Variants in ZFHX3 observed in about 807,000 individuals in gnomAD.
ZFHX3 encodes zinc finger homeobox protein 3.
Under a neutral mutation model 279.1 loss-of-function variants are expected in ZFHX3, and 42 were observed. The ratio of observed to expected loss-of-function variants is 0.15; its 90% CI spans 0.12 to 0.19. ZFHX3 has a LOEUF of 0.19. Ranked by LOEUF, ZFHX3 falls within the 10% of genes least tolerant of loss-of-function variation. The pLI, the probability that ZFHX3 is intolerant of heterozygous loss-of-function variation, is 1.00. For synonymous variants in ZFHX3, 2,293 were observed against 1,957.8 expected, an observed-to-expected ratio of 1.17 and a Z score of -4.52; for missense variants, 4,981 against 4,754.0, an observed-to-expected ratio of 1.05 and a Z score of -1.40.
intron 3 of ZFHX3, among the ~76,000 whole-genome samples, chr16:73,368,253 C>T (rs1293258653): frequency 6.6e-6 from 1 of 152,198 alleles, no homozygotes; most frequent in Non-Finnish European, 1.5e-5. Context: ...TATGGAAGAG[C>T]TGCAAAACAA....
At chr16:73,403,044 G>A (rs886293756) in intron 3 of ZFHX3, among the ~76,000 whole-genome samples, 3 of 152,188 alleles carry the variant, frequency 2.0e-5, no homozygotes, top group Non-Finnish European at 4.4e-5. Flanking sequence ...GCACACACAC[G>A]TGTGTGCATG....
intron 1 of ZFHX3, among the ~76,000 whole-genome samples, chr16:73,778,820 G>C (rs1311120579): frequency 1.3e-5 from 2 of 152,194 alleles, no homozygotes; most frequent in African/African-American, 2.4e-5. Flanking sequence ...CAAAAACAAT[G>C]ACTAACAGTC....
At chr16:73,175,459 C>T (rs1967642376) in intron 5 of ZFHX3, among the ~76,000 whole-genome samples, 1 of 152,150 alleles carries the variant, frequency 6.6e-6, no homozygotes, top group African/African-American at 2.4e-5. Flanking sequence ...GCCATCTCCC[C>T]TTCACCTTTT....
chr16:72,819,553 C>T (rs535284453), intron 5 of ZFHX3, among the ~76,000 whole-genome samples: 2 of 152,270 alleles, frequency 1.3e-5, no homozygotes, highest in Non-Finnish European at 2.9e-5. Flanking sequence ...TGCTGATGGT[C>T]CAGGGACGAC....
At chr16:72,855,478 A>C (rs766819414) in intron 4 of ZFHX3, among the ~76,000 whole-genome samples, 4 of 152,232 alleles carry the variant, frequency 2.6e-5, no homozygotes, top group Non-Finnish European at 4.4e-5. Flanking sequence ...CAGGCAGATG[A>C]AGCCATTTTA....
intron 1 of ZFHX3, among the ~76,000 whole-genome samples, chr16:72,996,274 C>T (rs28391664): frequency 0.14 from 21,969 of 152,156 alleles, 1,826 homozygotes; most frequent in Admixed American, 0.24. Context: ...CAGAGCAAGA[C>T]TCCAACATAA....
At chr16:73,560,660 G>T (rs1472448084) in intron 2 of ZFHX3, among the ~76,000 whole-genome samples, 1 of 152,178 alleles carries the variant, frequency 6.6e-6, no homozygotes, top group Non-Finnish European at 1.5e-5. Context: ...TCAGCAGCAG[G>T]CTGTGAACTA....
chr16:73,096,156 T>C (rs1278343822), intron 7 of ZFHX3, among the ~76,000 whole-genome samples: 2 of 152,054 alleles, frequency 1.3e-5, no homozygotes, highest in Non-Finnish European at 1.5e-5. Context: ...ACCTGGAAAC[T>C]CTTTACTGCC....
At chr16:73,787,342 T>C (rs1959678410) in intron 1 of ZFHX3, among the ~76,000 whole-genome samples, 1 of 152,166 alleles carries the variant, frequency 6.6e-6, no homozygotes. Flanking sequence ...GTGATTAAAA[T>C]GCACTCAGGA....
At chr16:73,395,784 C>G (rs2143412951) in intron 3 of ZFHX3, among the ~76,000 whole-genome samples, 1 of 152,154 alleles carries the variant, frequency 6.6e-6, no homozygotes, top group East Asian at 1.9e-4. Context: ...AACAGGGGCC[C>G]TGATGTGTAA....
intron 5 of ZFHX3, among the ~76,000 whole-genome samples, chr16:73,152,131 G>T (rs975099798): frequency 6.6e-6 from 1 of 152,072 alleles, no homozygotes; most frequent in Non-Finnish European, 1.5e-5. Context: ...TGTCCCGAAC[G>T]ATGATGAATT....
chr16:73,579,360 C>T (rs895845476), intron 2 of ZFHX3, among the ~76,000 whole-genome samples: 2 of 152,210 alleles, frequency 1.3e-5, no homozygotes, highest in Non-Finnish European at 2.9e-5. Flanking sequence ...CCTCCTGAGG[C>T]TGTGTCATGG....
intron 1 of ZFHX3, among the ~76,000 whole-genome samples, chr16:73,718,673 T>C (rs1395793961): frequency 3.3e-5 from 5 of 151,648 alleles, no homozygotes; most frequent in Non-Finnish European, 7.4e-5. Context: ...TGGAGTGCAG[T>C]GGCACAATCT....
At chr16:73,281,652 G>A (rs1403119287) in intron 4 of ZFHX3, among the ~76,000 whole-genome samples, 2 of 152,114 alleles carry the variant, frequency 1.3e-5, no homozygotes, top group African/African-American at 4.8e-5. Context: ...CATAATAAAG[G>A]GCATGGGAGG....
chr16:73,382,546 T>C (rs538714301), intron 3 of ZFHX3, among the ~76,000 whole-genome samples: 29 of 152,218 alleles, frequency 1.9e-4, no homozygotes, highest in African/African-American at 6.3e-4. Context: ...GGCTGCTGTG[T>C]GGGGAATGGA....
chr16:72,958,806 C>T lies in ZFHX3; in HGVS notation c.1340G>A (p.Gly447Asp), dbSNP rs1961401320. Reference sequence around the variant, plus strand: ...CTTCTCAGAGAAGCAATCCCCGTCGCCCACTTCCTGCTTCTCTCCTTCTGC... The same window carrying T: ...CTTCTCAGAGAAGCAATCCCCGTCGTCCACTTCCTGCTTCTCTCCTTCTGC... ...GAAEGEKQEV[G>D]DGDCFSEKVE... Residue 447 changes from glycine (G) to aspartate (D), a missense_variant, in exon 2 of 10, where the codon GGC (glycine) becomes GAC (aspartate). This residue lies in a region of ZFHX3 where 1,068 missense variants were observed against 935.2 expected (regional missense o/e 1.14). Coordinates refer to ENST00000268489, the MANE Select transcript of ZFHX3 (RefSeq NM_006885.4). 1 of 1,614,138 alleles carries T rather than the reference C, an allele frequency of 6.2e-7. No individual in the cohort carries two copies. Among genetic ancestry groups the T allele is most frequent in the Non-Finnish European group, 8.5e-7 (1 of 1,180,036 alleles).
chr16:73,101,117 G>A (rs1966225746), intron 7 of ZFHX3, among the ~76,000 whole-genome samples: 1 of 151,942 alleles, frequency 6.6e-6, no homozygotes, highest in South Asian at 2.1e-4. Context: ...CCTTCTTCTT[G>A]GACAATCTGA....
chr16:73,429,521 T>C (rs1013917466), intron 3 of ZFHX3, among the ~76,000 whole-genome samples: 4 of 151,888 alleles, frequency 2.6e-5, no homozygotes, highest in African/African-American at 7.3e-5. Context: ...TTAGTAGAGA[T>C]GGGGTTTCAT....
intron 2 of ZFHX3, among the ~76,000 whole-genome samples, chr16:73,531,457 G>A (rs1412139458): frequency 2.0e-5 from 3 of 151,996 alleles, no homozygotes; most frequent in Non-Finnish European, 4.4e-5. Flanking sequence ...GCTCACTCCT[G>A]TAATTACAGC....
Sources: allele counts gnomAD v4.1 joint callset (sites outside exome capture counted in the v4.1 genomes callset), GRCh38; gene constraint gnomAD v4.1.1; regional missense constraint gnomAD v4.1.1; transcripts MANE v1.5; gene names NCBI Gene and HGNC (gene_info 2026-07-23, HGNC 2026-07-21).